The following NBR1 variants were observed in gnomAD, a reference collection of about 807,000 sequenced individuals.
NBR1 encodes the protein NBR1 autophagy cargo receptor.
In NBR1, 59 loss-of-function variants were observed where a neutral mutation model predicts 115.5. That is an observed-to-expected ratio of 0.51 (90% confidence interval 0.41 to 0.63). The LOEUF is 0.63. Ranked by LOEUF, NBR1 falls within the 30% of genes least tolerant of loss-of-function variation. The probability of loss-of-function intolerance (pLI) is 0.00; values close to 1 mark genes in which losing one functional copy is unlikely to be tolerated. For synonymous variants in NBR1, 373 were observed against 414.7 expected (o/e 0.90, Z 1.22); for missense variants, 1,043 against 1,150.5 (o/e 0.91, Z 1.35).
intron 3 of NBR1, 117 bp downstream of exon 3, chr17:43,178,115 T>C (rs1039353201): frequency 8.7e-6 from 11 of 1,259,526 alleles, no homozygotes; most frequent in African/African-American, 1.5e-5. Context: ...GTGGTTTAAA[T>C]ATATTTGATA....
intron 20 of NBR1, among the ~76,000 whole-genome samples, chr17:43,204,542 A>G (rs35635387): frequency 0.36 from 54,670 of 151,352 alleles, 10,035 homozygotes; most frequent in South Asian, 0.49. Context: ...TATGGCCGGT[A>G]CAGTGGCTCA....
intron 3 of NBR1, among the ~76,000 whole-genome samples, 196 bp downstream of exon 3, chr17:43,178,194 A>G (rs2056571661): frequency 6.6e-6 from 1 of 151,922 alleles, no homozygotes; most frequent in Non-Finnish European, 1.5e-5. Flanking sequence ...ACACTGAAGA[A>G]TATCTCAGAG....
chr17:43,207,187 G>A (rs1262869420), intron 20 of NBR1, among the ~76,000 whole-genome samples: 1 of 152,182 alleles, frequency 6.6e-6, no homozygotes, highest in East Asian at 1.9e-4. Flanking sequence ...GCATATCCAG[G>A]TAAAGGTAAA....
chr17:43,194,307 C>T, intron 12 of NBR1, 43 bp from the exon 13 acceptor site: 2 of 1,552,206 alleles, frequency 1.3e-6, no homozygotes, highest in Middle Eastern at 1.7e-4. Flanking sequence ...CTCTTCAGTT[C>T]TGTTGAAGGC....
At chr17:43,173,122 G>A (rs2056418415) in intron 1 of NBR1, among the ~76,000 whole-genome samples, 1 of 151,954 alleles carries the variant, frequency 6.6e-6, no homozygotes, top group Admixed American at 6.6e-5. Flanking sequence ...CACCACATCC[G>A]GCCCTATTAT....
intron 5 of NBR1, 58 bp from the exon 6 acceptor site, chr17:43,186,190 ATG>A: frequency 7.1e-7 from 1 of 1,413,790 alleles, no homozygotes; most frequent in Non-Finnish European, 9.6e-7. Flanking sequence ...TGTCTTTGAA[ATG>A]TTATTTAGGA....
Position 43,211,457 on chromosome 17 carries a change from G to A in NBR1, c.*1383G>A, listed in dbSNP as rs1354055884. 4 of 152,590 alleles carry A rather than the reference G, an allele frequency of 2.6e-5. No individual in the cohort carries two copies. 9.5% of individuals were successfully genotyped at this position (152,590 alleles called of 1,614,324 possible). A position where few individuals can be genotyped will look rare whatever the true frequency, so the allele number is the denominator to read the frequency against. ...TCCTGAATGCTACTTAAATAAACCA[G>A]GATTCAAACTGCAAGCCAGCCAGGC... On this transcript the variant is annotated 3_prime_UTR_variant, in exon 21 of 21. Transcript: ENST00000590996.
At chr17:43,203,479 T>C (rs1273516170) in intron 19 of NBR1, among the ~76,000 whole-genome samples, 1 of 152,186 alleles carries the variant, frequency 6.6e-6, no homozygotes, top group Non-Finnish European at 1.5e-5. Flanking sequence ...TGCCCCTATC[T>C]TGCTTGCACC....
intron 1 of NBR1, 103 bp downstream of exon 1, chr17:43,171,405 T>C (rs1220373775): frequency 6.6e-6 from 1 of 152,426 alleles, no homozygotes; most frequent in Non-Finnish European, 1.5e-5. Context: ...GGCGACTTTT[T>C]CCGTGTTTCG....
At chr17:43,207,645 C>T (rs1269507029) in intron 20 of NBR1, among the ~76,000 whole-genome samples, 1 of 152,192 alleles carries the variant, frequency 6.6e-6, no homozygotes, top group Admixed American at 6.6e-5. Context: ...GAAACTTGAG[C>T]CGCTGCACCC....
chr17:43,202,547 A>G (rs1311769683), intron 18 of NBR1, 108 bp from the exon 19 acceptor site: 4 of 693,602 alleles, frequency 5.8e-6, no homozygotes, highest in East Asian at 2.9e-5. Flanking sequence ...AAAGACTTCA[A>G]ACACTGTGAT....
rs753562754 is a variant in NBR1 at position 43,180,866 on chromosome 17, T to G, written c.207+49T>G. The stretch of plus-strand genomic sequence containing the variant: ...TTAAATAATTTAAAAAATATTATTA[T>G]GGGTTGGTTTTTTTTCTTTTTTTGA... On this transcript the variant is annotated intron_variant, in intron 5 of 20. Coordinates refer to ENST00000590996, the MANE Select transcript of NBR1 (RefSeq NM_005899.5). The G allele has an allele frequency of 3.0e-6, 4 of 1,343,938 alleles. No homozygotes were observed. In the South Asian group the frequency reaches 6.5e-5, roughly 22 times the overall value. 83.3% of individuals were successfully genotyped at this position (1,343,938 alleles called of 1,614,324 possible). A position where few individuals can be genotyped will look rare whatever the true frequency, so the allele number is the denominator to read the frequency against.
intron 12 of NBR1, 113 bp from the exon 13 acceptor site, chr17:43,194,237 T>G: frequency 1.0e-6 from 1 of 987,252 alleles, no homozygotes; most frequent in Non-Finnish European, 1.5e-6. Context: ...TCAAAAACAT[T>G]GTTTTTTAAA....
At position 43,184,189 on chromosome 17, in the gene NBR1, C is replaced by G. The variant is rs891325631; in HGVS notation, c.208-2061C>G. On this transcript the variant is annotated intron_variant, in intron 5 of 20. Coordinates refer to ENST00000590996, the MANE Select transcript of NBR1 (RefSeq NM_005899.5). ...ACCTCAGGCTCCTGTGTAGCTGGGACTACAGGAAAATACCACCATGCTCCG... is the reference window on the plus strand; with the variant it reads ...ACCTCAGGCTCCTGTGTAGCTGGGAGTACAGGAAAATACCACCATGCTCCG... Among the ~76,000 whole-genome samples the G allele has an allele frequency of 6.0e-5, 9 of 150,844 alleles. 1 individual carries two copies. The East Asian group carries it at 1.8e-3, about 29-fold the overall frequency.
intron 5 of NBR1, among the ~76,000 whole-genome samples, chr17:43,182,484 G>A (rs1313404803): frequency 2.6e-5 from 4 of 151,482 alleles, no homozygotes; most frequent in Non-Finnish European, 5.9e-5. Flanking sequence ...GCCTGCCAAG[G>A]TGCTGGGATT....
chr17:43,203,335 C>T (rs2154582399), intron 19 of NBR1, among the ~76,000 whole-genome samples: 1 of 152,236 alleles, frequency 6.6e-6, no homozygotes, highest in Non-Finnish European at 1.5e-5. Context: ...AATCACATTT[C>T]CTTTGCAAGG....
intron 7 of NBR1, among the ~76,000 whole-genome samples, chr17:43,189,358 G>A (rs1394709769): frequency 1.3e-5 from 2 of 152,070 alleles, no homozygotes; most frequent in African/African-American, 4.8e-5. Context: ...CTCTGCTTGA[G>A]AAAAAGTTAG....
Position 43,210,964 on chromosome 17 carries a change from A to C in NBR1, c.*890A>C, listed in dbSNP as rs2057406219. On this transcript the variant is annotated 3_prime_UTR_variant, in exon 21 of 21. Coordinates refer to ENST00000590996, the MANE Select transcript of NBR1 (RefSeq NM_005899.5). ...GAAATAGAAACATGTGAAAGGCAAA[A>C]GGCAGGCTCCTAAATTAATGTCAGT... 5.5e-6 allele frequency: 2 copies of C among 365,666 alleles called. No homozygotes were observed. The highest frequency in any genetic ancestry group is 4.2e-5 in the African/African-American group (2 of 48,128). The allele number at this position is 365,666 out of a possible 1,614,324, so 22.7% of individuals were successfully genotyped here.
chr17:43,176,113 A>G, intron 2 of NBR1: 1 of 439,800 alleles, frequency 2.3e-6, no homozygotes, highest in Non-Finnish European at 4.0e-6. Flanking sequence ...CCTTTTGAAC[A>G]TTTTAGAAAG....
Sources: gnomAD v4.1 joint callset for allele counts (sites outside exome capture counted in the v4.1 genomes callset) on GRCh38, gnomAD v4.1.1 for gene constraint, MANE v1.5 for transcripts, NCBI Gene and HGNC (gene_info 2026-07-23, HGNC 2026-07-21) for gene names.